TYW1: variants seen among roughly 807,000 people sequenced by gnomAD.
TYW1 encodes the protein tRNA-yW synthesizing protein 1 homolog, also known as S-adenosyl-L-methionine-dependent tRNA 4-demethylwyosine synthase TYW1.
Under a neutral mutation model 96.2 loss-of-function variants are expected in TYW1, and 46 were observed. The ratio of observed to expected loss-of-function variants is 0.48; its 90% CI spans 0.38 to 0.61. The LOEUF (loss-of-function observed/expected upper bound fraction) is 0.61, where lower values mean the gene tolerates loss of function less well. Among genes scored for constraint, TYW1 ranks in the 20% least tolerant of loss-of-function variants. TYW1 has a pLI of 0.00. For synonymous variants in TYW1, 274 were observed against 323.0 expected (o/e 0.85, Z 1.63); for missense variants, 684 against 909.6 (o/e 0.75, Z 3.19).
chr7:67,210,818 ATC>A (rs1184895228), intron 15 of TYW1, among the ~76,000 whole-genome samples: 1 of 127,052 alleles, frequency 7.9e-6, no homozygotes, highest in South Asian at 2.6e-4. Context: ...TGTCCAGCTA[ATC>A]TCTGTCTATT....
intron 10 of TYW1, among the ~76,000 whole-genome samples, chr7:67,068,097 C>T (rs940215568): frequency 2.6e-5 from 4 of 151,454 alleles, no homozygotes; most frequent in African/African-American, 9.7e-5. Context: ...TCTTGGCTCA[C>T]TGCAACCTCT....
chr7:67,220,415 G>A (rs192538552), intron 15 of TYW1, among the ~76,000 whole-genome samples: 3 of 152,118 alleles, frequency 2.0e-5, no homozygotes, highest in Non-Finnish European at 4.4e-5. Flanking sequence ...GTGTTAGCCA[G>A]GATAGTCTCG....
chr7:67,196,686 A>G (rs1800406021), intron 15 of TYW1, among the ~76,000 whole-genome samples: 1 of 151,676 alleles, frequency 6.6e-6, no homozygotes, highest in South Asian at 2.1e-4. Flanking sequence ...TTTATAATAC[A>G]AGGCATCTTT....
intron 11 of TYW1, among the ~76,000 whole-genome samples, chr7:67,088,244 T>C (rs1477923721): frequency 6.6e-6 from 1 of 152,198 alleles, no homozygotes; most frequent in African/African-American, 2.4e-5. Flanking sequence ...ATTTGTTTAA[T>C]GCTTTTTTCT....
chr7:67,197,735 C>G (rs1176097272), intron 15 of TYW1, among the ~76,000 whole-genome samples: 1 of 152,128 alleles, frequency 6.6e-6, no homozygotes, highest in African/African-American at 2.4e-5. Context: ...TGGCATCTGA[C>G]TCCAGAGCCT....
Position 67,042,095 on chromosome 7 carries a change from T to G in TYW1, c.985-7854T>G, listed in dbSNP as rs1795046961. Among the ~76,000 whole-genome samples the G allele has an allele frequency of 2.0e-5, 3 of 147,586 alleles. No homozygotes were observed. The South Asian group carries it at 6.3e-4, about 31-fold the overall frequency. ...TTATATTAGAATTATATAACAATTA[T>G]ATAATTAGAATTAGAATATAATTTT... On this transcript the variant is annotated intron_variant, in intron 7 of 15. Transcript: ENST00000359626.
intron 13 of TYW1, among the ~76,000 whole-genome samples, chr7:67,118,827 C>G (rs1339988117): frequency 2.1e-5 from 3 of 140,298 alleles, no homozygotes; most frequent in African/African-American, 8.1e-5. Context: ...TTGTAGTGAG[C>G]CGAGATTGCG....
chr7:67,043,823 G>A (rs1158283145), intron 7 of TYW1, among the ~76,000 whole-genome samples: 1 of 152,084 alleles, frequency 6.6e-6, no homozygotes, highest in Non-Finnish European at 1.5e-5. Context: ...GCTTGGGCAC[G>A]CTGCTTTTCC....
In TYW1 at chr7:67,018,263, G is replaced by A. The variant is rs1212071802; in HGVS notation, c.861+120G>A. The A allele has an allele frequency of 2.3e-6, 3 of 1,326,018 alleles. No homozygotes were observed. In the African/African-American group the frequency reaches 4.4e-5, roughly 20 times the overall value. 82.1% of individuals were successfully genotyped at this position (1,326,018 alleles called of 1,614,324 possible). A position where few individuals can be genotyped will look rare whatever the true frequency, so the allele number is the denominator to read the frequency against. ...CTGGTTAGAAGGAAGATCTGGCTGAGTGCAGTGGCTCGCACTTGTAATCCC... is the reference window on the plus strand; with the variant it reads ...CTGGTTAGAAGGAAGATCTGGCTGAATGCAGTGGCTCGCACTTGTAATCCC... On this transcript the variant is annotated intron_variant, in intron 6 of 15. Coordinates refer to ENST00000359626, the MANE Select transcript of TYW1 (RefSeq NM_018264.4).
chr7:67,078,595 A>G (rs546428216), intron 10 of TYW1, among the ~76,000 whole-genome samples: 187 of 152,134 alleles, frequency 1.2e-3, no homozygotes, highest in Non-Finnish European at 1.9e-3. Context: ...AACTTTAACT[A>G]TATTTATTCT....
chr7:67,193,717 C>G (rs1346434920), intron 14 of TYW1, among the ~76,000 whole-genome samples: 2 of 150,846 alleles, frequency 1.3e-5, no homozygotes, highest in Non-Finnish European at 2.9e-5. Flanking sequence ...CGAGATCAGG[C>G]CACTGCACTC....
chr7:67,043,353 T>C (rs1795088232), intron 7 of TYW1, among the ~76,000 whole-genome samples: 1 of 125,818 alleles, frequency 7.9e-6, no homozygotes. Flanking sequence ...GTAAAGCCCA[T>C]TGCTACTTTT....
intron 9 of TYW1, among the ~76,000 whole-genome samples, chr7:67,061,200 C>G (rs181683127): frequency 6.6e-6 from 1 of 152,158 alleles, no homozygotes; most frequent in East Asian, 1.9e-4. Context: ...TGCACTCCAG[C>G]CTGGTCGAGA....
chr7:67,223,591 T>C (rs1046366583), intron 15 of TYW1, among the ~76,000 whole-genome samples: 33 of 150,400 alleles, frequency 2.2e-4, no homozygotes, highest in African/African-American at 7.6e-4. Flanking sequence ...CCCCAGGGAG[T>C]CACTTAAGCT....
At chr7:67,095,003 A>T (rs1409274904) in intron 11 of TYW1, among the ~76,000 whole-genome samples, 1 of 145,762 alleles carries the variant, frequency 6.9e-6, no homozygotes, top group Non-Finnish European at 1.5e-5. Context: ...AAACTGCATG[A>T]TTTTTTTTTT....
At chr7:67,163,184 T>TA (rs1230294290) in intron 13 of TYW1, among the ~76,000 whole-genome samples, 1 of 152,210 alleles carries the variant, frequency 6.6e-6, no homozygotes, top group Admixed American at 6.5e-5. Context: ...CACCCTCATC[T>TA]AATTTCTCCC....
At chr7:67,162,520 A>G (rs1799193635) in intron 13 of TYW1, among the ~76,000 whole-genome samples, 1 of 152,090 alleles carries the variant, frequency 6.6e-6, no homozygotes, top group East Asian at 1.9e-4. Context: ...GCTGCCCTAT[A>G]TTCCTTTAAA....
intron 13 of TYW1, among the ~76,000 whole-genome samples, chr7:67,130,340 C>T (rs530551680): frequency 1.3e-5 from 2 of 150,900 alleles, no homozygotes; most frequent in African/African-American, 4.9e-5. Context: ...GAGATTGTGT[C>T]ACTGCACTTC....
At chr7:67,176,489 G>C (rs1410698889) in intron 13 of TYW1, among the ~76,000 whole-genome samples, 1 of 152,160 alleles carries the variant, frequency 6.6e-6, no homozygotes, top group East Asian at 1.9e-4. Context: ...ACTTAGTCTG[G>C]TAAAAAGAAT....
Sources: gnomAD v4.1 joint callset for allele counts (sites outside exome capture counted in the v4.1 genomes callset) on GRCh38, gnomAD v4.1.1 for gene constraint, MANE v1.5 for transcripts, NCBI Gene and HGNC (gene_info 2026-07-23, HGNC 2026-07-21) for gene names.